Variants in MINDY2 observed in about 807,000 individuals in gnomAD.
MINDY2 encodes ubiquitin carboxyl-terminal hydrolase MINDY-2.
Under a neutral mutation model 68.2 loss-of-function variants are expected in MINDY2, and 52 were observed. The observed-to-expected ratio is 0.76, with a 90% confidence interval of 0.61 to 0.96. The LOEUF is 0.96. Ranked by LOEUF, MINDY2 falls within the 40% of genes least tolerant of loss-of-function variation. The pLI, the probability that MINDY2 is intolerant of heterozygous loss-of-function variation, is 0.00. For missense variants in MINDY2, 881 were observed against 773.4 expected, an observed-to-expected ratio of 1.14 and a Z score of -1.65; for synonymous variants, 372 against 303.0, an observed-to-expected ratio of 1.23 and a Z score of -2.36.
At chr15:58,808,405 C>G (rs1567054189) in intron 3 of MINDY2, among the ~76,000 whole-genome samples, 1 of 152,102 alleles carries the variant, frequency 6.6e-6, no homozygotes, top group Admixed American at 6.6e-5. Flanking sequence ...AACCACTGAT[C>G]TTTTTTACTG....
At chr15:58,784,095 G>GT (rs1465954879) in intron 1 of MINDY2, among the ~76,000 whole-genome samples, 1 of 152,078 alleles carries the variant, frequency 6.6e-6, no homozygotes, top group Non-Finnish European at 1.5e-5. Flanking sequence ...CGAGGCTGAG[G>GT]TAGGAGGATT....
rs1358608499 is a variant in MINDY2 at position 58,856,284 on chromosome 15, G to A, written c.*1674G>A. The A allele has an allele frequency of 6.6e-6, 1 of 152,360 alleles. No homozygotes were observed. The highest frequency in any genetic ancestry group is 1.5e-5 in the Non-Finnish European group (1 of 67,994). The allele number at this position is 152,360 out of a possible 1,614,324, so 9.4% of individuals were successfully genotyped here. A position where few individuals can be genotyped will look rare whatever the true frequency, so the allele number is the denominator to read the frequency against. ...AGTGTTTTTTTTGTGTGTGGTCTGG[G>A]GTGACAAAAGACCACAAAAATGTGT... On this transcript the variant is annotated 3_prime_UTR_variant, in exon 9 of 9. Coordinates refer to ENST00000559228, the MANE Select transcript of MINDY2 (RefSeq NM_001040450.3).
At chr15:58,778,887 A>G (rs1389365358) in intron 1 of MINDY2, among the ~76,000 whole-genome samples, 11 of 138,348 alleles carry the variant, frequency 8.0e-5, no homozygotes, top group African/African-American at 2.8e-4. Flanking sequence ...ATCTTGGCTC[A>G]CTGCAACCTC....
chr15:58,799,445 TAGTCCC>T (rs1244573653), intron 2 of MINDY2, among the ~76,000 whole-genome samples: 1 of 152,082 alleles, frequency 6.6e-6, no homozygotes, highest in African/African-American at 2.4e-5. Flanking sequence ...CGGGTGCCTG[TAGTCCC>T]AGCTACTTGG....
chr15:58,793,183 G>T (rs1902053370), intron 2 of MINDY2, among the ~76,000 whole-genome samples: 1 of 152,218 alleles, frequency 6.6e-6, no homozygotes, highest in South Asian at 2.1e-4. Context: ...CTGGCACAGT[G>T]GCTCACGCCG....
chr15:58,841,880 C>T (rs2032305016), intron 6 of MINDY2, among the ~76,000 whole-genome samples: 1 of 152,136 alleles, frequency 6.6e-6, no homozygotes, highest in African/African-American at 2.4e-5. Flanking sequence ...GTCCTAGAAA[C>T]AGACTCATTT....
chr15:58,778,707 G>A (rs1900934246), intron 1 of MINDY2, among the ~76,000 whole-genome samples: 1 of 150,958 alleles, frequency 6.6e-6, no homozygotes, highest in Non-Finnish European at 1.5e-5. Context: ...GCTCCGAATA[G>A]CCTCGACCTC....
chr15:58,792,742 G>T (rs995117907), intron 2 of MINDY2, among the ~76,000 whole-genome samples: 1 of 152,184 alleles, frequency 6.6e-6, no homozygotes, highest in Admixed American at 6.5e-5. Flanking sequence ...CCATAAAAAG[G>T]TATGAAGTAC....
At chr15:58,812,434 C>A (rs1378386376) in intron 4 of MINDY2, among the ~76,000 whole-genome samples, 3 of 142,902 alleles carry the variant, frequency 2.1e-5, no homozygotes, top group African/African-American at 5.4e-5. Context: ...AACGGTCCGT[C>A]TCAAAAAAAA....
intron 1 of MINDY2, among the ~76,000 whole-genome samples, chr15:58,785,260 A>G (rs140984439): frequency 3.3e-5 from 5 of 152,172 alleles, no homozygotes; most frequent in African/African-American, 1.2e-4. Flanking sequence ...TTTAGTTTTA[A>G]TAAACATCCA....
intron 6 of MINDY2, among the ~76,000 whole-genome samples, chr15:58,837,555 G>A (rs1005654403): frequency 2.1e-5 from 3 of 142,972 alleles, no homozygotes; most frequent in East Asian, 2.1e-4. Context: ...AAAAAAAAAA[G>A]GAAACCTTTT....
chr15:58,773,835 A>T (rs1437705015), intron 1 of MINDY2, among the ~76,000 whole-genome samples: 1 of 152,146 alleles, frequency 6.6e-6, no homozygotes, highest in Non-Finnish European at 1.5e-5. Context: ...TAGAATGGAT[A>T]TTGTGTGTTT....
intron 5 of MINDY2, among the ~76,000 whole-genome samples, chr15:58,823,107 T>G (rs748940395): frequency 7.2e-5 from 11 of 151,908 alleles, no homozygotes; most frequent in Non-Finnish European, 1.6e-4. Flanking sequence ...GCATAGTATT[T>G]TAGTTAAGGT....
At chr15:58,827,557 G>A (rs1194097681) in intron 5 of MINDY2, among the ~76,000 whole-genome samples, 5 of 152,022 alleles carry the variant, frequency 3.3e-5, no homozygotes, top group South Asian at 2.1e-4. Flanking sequence ...TCCGCCTTCC[G>A]GGTTCATGCC....
chr15:58,774,612 C>A (rs1009611900), intron 1 of MINDY2, among the ~76,000 whole-genome samples: 1 of 151,270 alleles, frequency 6.6e-6, no homozygotes, highest in Non-Finnish European at 1.5e-5. Context: ...ATGTGAGAAG[C>A]TCTAATATGC....
At position 58,857,563 on chromosome 15, in the gene MINDY2, T is replaced by G. The variant is rs1480848230; in HGVS notation, c.*2953T>G. The G allele has an allele frequency of 2.8e-5, 4 of 144,998 alleles. No homozygotes were observed. 9.0% of individuals were successfully genotyped at this position (144,998 alleles called of 1,614,324 possible). A position where few individuals can be genotyped will look rare whatever the true frequency, so the allele number is the denominator to read the frequency against. On this transcript the variant is annotated 3_prime_UTR_variant, in exon 9 of 9. Coordinates refer to ENST00000559228, the MANE Select transcript of MINDY2 (RefSeq NM_001040450.3). The stretch of plus-strand genomic sequence containing the variant: ...AAAAAAAAAAAAAAAAAATTAGAGC[T>G]ATTGTGTCTTTATTTTCTTAAATTT...
At chr15:58,789,127 G>A (rs1383670544) in intron 2 of MINDY2, among the ~76,000 whole-genome samples, 3 of 152,210 alleles carry the variant, frequency 2.0e-5, no homozygotes, top group African/African-American at 7.2e-5. Context: ...CACAAGGTCA[G>A]GAGATCAAGA....
chr15:58,833,720 C>T (rs1396262406), intron 6 of MINDY2, among the ~76,000 whole-genome samples: 2 of 152,092 alleles, frequency 1.3e-5, no homozygotes, highest in Admixed American at 6.6e-5. Flanking sequence ...AGCCCTAAGG[C>T]GGTTTTCCCC....
Position 58,801,576 on chromosome 15 carries a change from A to G in MINDY2, c.899-737A>G, listed in dbSNP as rs186519804. ...TGCCACATATACCAAAAGGTTATACATATATTTAAAAGGTGATACCAAATA... is the reference window on the plus strand; with the variant it reads ...TGCCACATATACCAAAAGGTTATACGTATATTTAAAAGGTGATACCAAATA... On this transcript the variant is annotated intron_variant, in intron 2 of 8. Transcript: ENST00000559228. Among the ~76,000 whole-genome samples the G allele has an allele frequency of 6.2e-3, 940 of 152,254 alleles. 4 individuals carry two copies. The highest frequency in any genetic ancestry group is 8.1e-3 in the Non-Finnish European group (548 of 68,018).
Sources: allele counts gnomAD v4.1 joint callset (sites outside exome capture counted in the v4.1 genomes callset), GRCh38; gene constraint gnomAD v4.1.1; transcripts MANE v1.5; gene names NCBI Gene and HGNC (gene_info 2026-07-23, HGNC 2026-07-21).